The following GFRA2 variants were observed in gnomAD, a reference collection of about 807,000 sequenced individuals.
GFRA2 encodes GDNF family receptor alpha 2.
GFRA2 carries 17 observed loss-of-function variants against 48.3 expected under a neutral mutation model. The ratio of observed to expected loss-of-function variants is 0.35; its 90% CI spans 0.24 to 0.53. The LOEUF (loss-of-function observed/expected upper bound fraction) is 0.53. GFRA2 is among the 20% of genes least tolerant of loss of function. The pLI, the probability that GFRA2 is intolerant of heterozygous loss-of-function variation, is 0.93. For missense variants in GFRA2, 660 were observed against 637.3 expected (o/e 1.04, Z -0.38); for synonymous variants, 305 against 257.2 (o/e 1.19, Z -1.78).
At chr8:21,777,733 G>A (rs997940808) in intron 2 of GFRA2, among the ~76,000 whole-genome samples, 51 of 152,298 alleles carry the variant, frequency 3.3e-4, no homozygotes, top group Non-Finnish European at 5.1e-4. Flanking sequence ...GGCCCAGGCC[G>A]TGGGATCGCC....
intron 2 of GFRA2, among the ~76,000 whole-genome samples, chr8:21,799,425 G>A (rs1807733163): frequency 6.6e-6 from 1 of 152,108 alleles, no homozygotes; most frequent in Admixed American, 6.5e-5. Context: ...TCACATGTTA[G>A]CCAGGTGGTC....
rs1358343729 is a variant in GFRA2, at chr8:21,750,986, G to T, written c.440-44C>A. ...AGCAGGTCAGAGGCCACACAAGCAT[G>T]AGGAGGACACAGCTGCCCCCTCACT... On this transcript the variant is annotated intron_variant, in intron 3 of 8. Coordinates refer to ENST00000524240, the MANE Select transcript of GFRA2 (RefSeq NM_001495.5). This position sits in a 1 kb window ranked among gnomAD's most constrained non-coding sequence, Gnocchi z 5.7. 5 of 1,331,966 alleles carry T rather than the reference G, an allele frequency of 3.8e-6. No homozygotes were observed. The highest frequency in any genetic ancestry group is 5.3e-6 in the Non-Finnish European group (5 of 944,864). The allele number at this position is 1,331,966 out of a possible 1,614,324, so 82.5% of individuals were successfully genotyped here. A position where few individuals can be genotyped will look rare whatever the true frequency, so the allele number is the denominator to read the frequency against.
At chr8:21,739,661 C>T (rs12155871) in intron 4 of GFRA2, among the ~76,000 whole-genome samples, 3 of 152,176 alleles carry the variant, frequency 2.0e-5, no homozygotes, top group South Asian at 2.1e-4. Flanking sequence ...CTGCCTCCCC[C>T]CTGGGGATGC....
At chr8:21,743,718 G>A (rs1004123900) in intron 4 of GFRA2, among the ~76,000 whole-genome samples, 15 of 152,164 alleles carry the variant, frequency 9.9e-5, no homozygotes, top group African/African-American at 3.4e-4. Context: ...GCTGGGTTCC[G>A]TGGAACATCC....
chr8:21,740,468 C>T (rs1804695837), intron 4 of GFRA2, among the ~76,000 whole-genome samples: 2 of 152,202 alleles, frequency 1.3e-5, no homozygotes, highest in African/African-American at 4.8e-5. Context: ...CCAATGGTGA[C>T]CCAGGTGTCC....
Position 21,767,613 on chromosome 8 carries a change from T to C in GFRA2, c.439+7359A>G, listed in dbSNP as rs902188716. On this transcript the variant is annotated intron_variant, in intron 3 of 8. Transcript: ENST00000524240. ...TCAAGAGCAGCACAGAGCAGGGGCG[T>C]CCGGCCAAGAGCCGCCCCACACCCC... 1.9e-3 allele frequency among the ~76,000 whole-genome samples: 285 copies of C among 152,304 alleles called. 2 individuals are homozygous for C. Among genetic ancestry groups the C allele is most frequent in the Non-Finnish European group, 2.5e-3 (167 of 68,022 alleles).
At chr8:21,783,860 T>C (rs1367779636) in intron 1 of GFRA2, among the ~76,000 whole-genome samples, 1 of 151,862 alleles carries the variant, frequency 6.6e-6, no homozygotes, top group Non-Finnish European at 1.5e-5. Flanking sequence ...AAGAGGTGTG[T>C]TTCTTCATCA....
At chr8:21,784,464 C>G in intron 1 of GFRA2, 3 of 395,744 alleles carry the variant, frequency 7.6e-6, no homozygotes, top group Non-Finnish European at 1.6e-5. Flanking sequence ...AGAACAGCCA[C>G]TCTCAGGCCA....
At position 21,697,998 on chromosome 8, in the gene GFRA2, G is replaced by A. The variant is rs1345750717; in HGVS notation, c.1219-3481C>T. Among the ~76,000 whole-genome samples, 5 of 152,308 alleles carry A rather than the reference G, an allele frequency of 3.3e-5. No individual in the cohort carries two copies. In the East Asian group the frequency reaches 9.6e-4, roughly 29 times the overall value. On this transcript the variant is annotated intron_variant, in intron 7 of 8. Transcript: ENST00000524240. Reference sequence around the variant, plus strand: ...AGTCTCAGGTATGTCTTTATTAGCAGCGTGAGAACAGACTAATACAACCAC... The same window carrying A: ...AGTCTCAGGTATGTCTTTATTAGCAACGTGAGAACAGACTAATACAACCAC...
chr8:21,785,502 A>G (rs1192166586), intron 1 of GFRA2, among the ~76,000 whole-genome samples: 1 of 152,226 alleles, frequency 6.6e-6, no homozygotes, highest in Non-Finnish European at 1.5e-5. Flanking sequence ...TGATGTTTCC[A>G]AATCCTAAAT....
chr8:21,741,776 G>C (rs187552845), intron 4 of GFRA2, among the ~76,000 whole-genome samples: 1 of 152,216 alleles, frequency 6.6e-6, no homozygotes, highest in African/African-American at 2.4e-5. Flanking sequence ...ACAAAAATTA[G>C]CCAGGTGTGG....
intron 4 of GFRA2, among the ~76,000 whole-genome samples, chr8:21,712,335 C>T (rs1429065926): frequency 7.9e-5 from 12 of 151,508 alleles, no homozygotes; most frequent in Middle Eastern, 3.5e-3. Context: ...GACGGGGTCG[C>T]GGCCGGGCAG....
intron 3 of GFRA2, among the ~76,000 whole-genome samples, chr8:21,774,591 C>T (rs1032157801): frequency 1.2e-4 from 18 of 152,244 alleles, no homozygotes; most frequent in Non-Finnish European, 2.2e-4. Context: ...TCCCCCATCA[C>T]AGCTGAGGAA....
intron 4 of GFRA2, among the ~76,000 whole-genome samples, chr8:21,708,515 C>T (rs1484368797): frequency 6.6e-6 from 1 of 152,000 alleles, no homozygotes; most frequent in Non-Finnish European, 1.5e-5. Context: ...ACGTCCCCCA[C>T]AAAAAAAGTT....
intron 2 of GFRA2, among the ~76,000 whole-genome samples, chr8:21,796,076 T>C (rs1293575488): frequency 2.6e-5 from 4 of 152,196 alleles, no homozygotes; most frequent in African/African-American, 9.7e-5. Context: ...GCTAAGCTAG[T>C]AAACCACCCT....
At chr8:21,763,315 G>A (rs150534141) in intron 3 of GFRA2, among the ~76,000 whole-genome samples, 38,459 of 151,880 alleles carry the variant, frequency 0.25, 5,593 homozygotes, top group African/African-American at 0.39. Flanking sequence ...ATGGCTGGGG[G>A]CCTCCTTTCT....
intron 1 of GFRA2, among the ~76,000 whole-genome samples, chr8:21,783,900 G>A (rs1195662306): frequency 3.3e-5 from 5 of 151,874 alleles, no homozygotes; most frequent in Non-Finnish European, 7.4e-5. Flanking sequence ...CAATGGCCTT[G>A]TTTTTTTCTC....
chr8:21,720,271 G>A (rs1256353596), intron 4 of GFRA2, among the ~76,000 whole-genome samples: 1 of 152,172 alleles, frequency 6.6e-6, no homozygotes, highest in Non-Finnish European at 1.5e-5. Context: ...GTGGCTGAGA[G>A]CAAGACTCCA....
At chr8:21,708,885 T>G (rs1465029411) in intron 4 of GFRA2, among the ~76,000 whole-genome samples, 1 of 152,260 alleles carries the variant, frequency 6.6e-6, no homozygotes, top group Non-Finnish European at 1.5e-5. Context: ...AATAAACTTC[T>G]GTTGTAAGCC....
Sources: allele counts gnomAD v4.1 joint callset (sites outside exome capture counted in the v4.1 genomes callset), GRCh38; gene constraint gnomAD v4.1.1; non-coding constraint Gnocchi (gnomAD v3.1); transcripts MANE v1.5; gene names NCBI Gene and HGNC (gene_info 2026-07-23, HGNC 2026-07-21).